DLL4: variants seen among roughly 807,000 people sequenced by gnomAD.
DLL4 encodes the protein delta-like protein 4.
A neutral mutation model predicts 73.6 loss-of-function variants in DLL4; 7 were observed. The ratio of observed to expected loss-of-function variants is 0.10; its 90% CI spans 0.05 to 0.18. DLL4 has a LOEUF of 0.18. Ranked by LOEUF, DLL4 falls within the 10% of genes least tolerant of loss-of-function variation. DLL4 has a pLI of 1.00. For synonymous variants in DLL4, 345 were observed against 374.3 expected (o/e 0.92, Z 0.90); for missense variants, 614 against 929.9 (o/e 0.66, Z 4.42).
chr15:40,932,057 A>G, intron 4 of DLL4, 114 bp from the exon 5 acceptor site: 1 of 1,268,608 alleles, frequency 7.9e-7, no homozygotes, highest in South Asian at 1.3e-5. Context: ...CTGGGAGGCC[A>G]GGAGTAGGAA....
chr15:40,936,992 C>T (rs1892855944), intron 9 of DLL4, 62 bp downstream of exon 9: 3 of 1,369,692 alleles, frequency 2.2e-6, no homozygotes, highest in Non-Finnish European at 2.0e-6. Context: ...TGCCTAGGCT[C>T]CTCTTAGGCC....
intron 9 of DLL4, 79 bp from the exon 10 acceptor site, chr15:40,937,339 C>T (rs1191251745): frequency 1.0e-6 from 1 of 988,262 alleles, no homozygotes; most frequent in Non-Finnish European, 1.6e-6. Flanking sequence ...CTGCAGATGC[C>T]CTTTGGCTCT....
intron 3 of DLL4, chr15:40,931,191 T>G: frequency 2.2e-6 from 1 of 456,504 alleles, no homozygotes; most frequent in East Asian, 3.7e-5. Flanking sequence ...TTTCTCTTTT[T>G]TCCATTTTGA....
In DLL4 at chr15:40,932,125, AGTCCTT is replaced by A. The variant is rs756462583; in HGVS notation, c.659-44_659-39del. ...CCAGCAGGTGAGAATGGGGCTTAAG[AGTCCTT>A]GGTATCCCAGCCTCACCCAGCTCTG... On this transcript the variant is annotated intron_variant, in intron 4 of 10. Transcript: ENST00000249749. 71 of 1,608,544 alleles carry A rather than the reference AGTCCTT, an allele frequency of 4.4e-5. No individual in the cohort carries two copies. In the African/African-American group the frequency reaches 8.8e-4, roughly 20 times the overall value.
At chr15:40,933,697 C>G (rs1414515794) in intron 6 of DLL4, among the ~76,000 whole-genome samples, 1 of 152,092 alleles carries the variant, frequency 6.6e-6, no homozygotes, top group Non-Finnish European at 1.5e-5. Flanking sequence ...TCTTCCTTAT[C>G]TTCATCCTAC....
Position 40,938,410 on chromosome 15 carries a change from T to C in DLL4, c.*376T>C, listed in dbSNP as rs1596196222. 1.0e-5 allele frequency: 2 copies of C among 193,466 alleles called. No homozygotes were observed. Among genetic ancestry groups the C allele is most frequent in the East Asian group, 2.4e-4 (2 of 8,260 alleles). The allele number at this position is 193,466 out of a possible 1,614,324, so 12.0% of individuals were successfully genotyped here. A position where few individuals can be genotyped will look rare whatever the true frequency, so the allele number is the denominator to read the frequency against. On this transcript the variant is annotated 3_prime_UTR_variant, in exon 11 of 11. Transcript: ENST00000249749. ...CTGCTGTGGCCTCCACTGGCATCCG[T>C]GTTTCCAAAAGTGCCTTTGGCCCAG...
chr15:40,929,587 G>T lies in DLL4; in HGVS notation c.-82G>T. 3.0e-6 allele frequency: 4 copies of T among 1,327,536 alleles called. No homozygotes were observed. The highest frequency in any genetic ancestry group is 4.0e-6 in the Non-Finnish European group (4 of 1,001,782). The allele number at this position is 1,327,536 out of a possible 1,614,324, so 82.2% of individuals were successfully genotyped here. A position where few individuals can be genotyped will look rare whatever the true frequency, so the allele number is the denominator to read the frequency against. On this transcript the variant is annotated 5_prime_UTR_variant, in exon 1 of 11. Transcript: ENST00000249749. The surrounding 1 kb of genome is among the most constrained non-coding windows in gnomAD (Gnocchi z 7.1). ...AGCGCCTCTTTTCAGGGACCCCGCC[G>T]GCTGGCGGACGCGCGGGAAAGCGGC... is the stretch of plus-strand genomic sequence containing the variant.
At chr15:40,931,352 T>C (rs1892767128) in intron 3 of DLL4, 151 bp from the exon 4 acceptor site, 1 of 940,258 alleles carries the variant, frequency 1.1e-6, no homozygotes, top group Non-Finnish European at 1.6e-6. Flanking sequence ...CCCTCTGGCC[T>C]GTTCTTGCTG....
chr15:40,932,042 C>T (rs530397593), intron 4 of DLL4, 129 bp from the exon 5 acceptor site: 1 of 1,104,882 alleles, frequency 9.1e-7, no homozygotes, highest in South Asian at 1.5e-5. Flanking sequence ...ACACTCGGGG[C>T]TCCTCTGGGA....
At position 40,929,500 on chromosome 15, in the gene DLL4, C is replaced by T; in HGVS notation, c.-169C>T. ...CGCCCAGCCGTAGTCACCTGGATTA[C>T]CTACAGCGGCAGCTGCAGCGGAGCC... is the stretch of plus-strand genomic sequence containing the variant. On this transcript the variant is annotated 5_prime_UTR_variant, in exon 1 of 11. Coordinates refer to ENST00000249749, the MANE Select transcript of DLL4 (RefSeq NM_019074.4). This position sits in a 1 kb window ranked among gnomAD's most constrained non-coding sequence, Gnocchi z 7.1. 3.1e-6 allele frequency: 2 copies of T among 641,462 alleles called. No individual in the cohort carries two copies. Among genetic ancestry groups the T allele is most frequent in the East Asian group, 2.9e-5 (1 of 34,044 alleles). 39.7% of individuals were successfully genotyped at this position (641,462 alleles called of 1,614,324 possible).
intron 6 of DLL4, among the ~76,000 whole-genome samples, chr15:40,933,300 C>G (rs969174907): frequency 4.2e-4 from 45 of 107,834 alleles, no homozygotes; most frequent in Non-Finnish European, 4.9e-4. Flanking sequence ...GTGTGTGTGT[C>G]TGTCCCTTTA....
At chr15:40,936,080 G>A (rs1384236379) in intron 8 of DLL4, 148 bp from the exon 9 acceptor site, 24 of 649,940 alleles carry the variant, frequency 3.7e-5, no homozygotes, top group Non-Finnish European at 2.6e-6. Context: ...CTAAACTCCA[G>A]GTCTCCTGAC....
At chr15:40,931,143 C>G (rs1892764550) in intron 3 of DLL4, 1 of 395,028 alleles carries the variant, frequency 2.5e-6, no homozygotes, top group African/African-American at 2.0e-5. Context: ...ACCCCCTGCT[C>G]CCAGGGTCCT....
chr15:40,931,410 C>T (rs553270643), intron 3 of DLL4, 93 bp from the exon 4 acceptor site: 490 of 1,414,404 alleles, frequency 3.5e-4, no homozygotes, highest in Admixed American at 1.1e-3. Flanking sequence ...TGGCTGATCA[C>T]CATCATCACA....
intron 6 of DLL4, among the ~76,000 whole-genome samples, chr15:40,932,733 A>G (rs1250532959): frequency 6.6e-6 from 1 of 152,146 alleles, no homozygotes; most frequent in Non-Finnish European, 1.5e-5. Flanking sequence ...AAATCCTAGC[A>G]AAGCCAAAGA....
rs1396099225 is a variant in DLL4, at chr15:40,930,060, G to A, written c.280G>A (p.Asp94Asn). ...LGTNSFAVRD[D>N]SSGGGRNPLQ... is the part of the protein sequence containing the mutation. ...CACCAACTCCTTCGCTGTCCGGGAC[G>A]ACAGTAGCGGCGGGGGGCGCAACCC... The change falls in exon 2 of 11, where the codon GAC becomes AAC. Residue 94 changes from aspartate to asparagine, a missense_variant. This residue lies in a region of DLL4 where 227 missense variants were observed against 370.8 expected (regional missense o/e 0.61). Transcript: ENST00000249749. The surrounding 1 kb of genome is among the most constrained non-coding windows in gnomAD (Gnocchi z 5.7). The A allele has an allele frequency of 3.1e-6, 5 of 1,611,396 alleles. No homozygotes were observed. The highest frequency in any genetic ancestry group is 4.2e-6 in the Non-Finnish European group (5 of 1,179,132).
intron 8 of DLL4, among the ~76,000 whole-genome samples, chr15:40,935,972 C>G (rs1185910053): frequency 6.6e-6 from 1 of 152,194 alleles, no homozygotes; most frequent in Non-Finnish European, 1.5e-5. Flanking sequence ...GCTGAGGTCC[C>G]AACTCAAGCC....
At chr15:40,931,881 C>T (rs183156416) in intron 4 of DLL4, 115 bp downstream of exon 4, 12 of 1,365,876 alleles carry the variant, frequency 8.8e-6, no homozygotes, top group African/African-American at 5.8e-5. Flanking sequence ...CTCCTACTAG[C>T]TGGGCCTCAG....
At chr15:40,932,934 C>T (rs983330018) in intron 6 of DLL4, among the ~76,000 whole-genome samples, 3 of 152,196 alleles carry the variant, frequency 2.0e-5, no homozygotes, top group East Asian at 3.8e-4. Flanking sequence ...ACCGACTTTT[C>T]GGTGTGGGCA....
Sources: allele counts gnomAD v4.1 joint callset (sites outside exome capture counted in the v4.1 genomes callset), GRCh38; gene constraint gnomAD v4.1.1; regional missense constraint gnomAD v4.1.1; non-coding constraint Gnocchi (gnomAD v3.1); transcripts MANE v1.5; gene names NCBI Gene and HGNC (gene_info 2026-07-23, HGNC 2026-07-21).